Variants in NHLH1 observed in about 807,000 individuals in gnomAD.
NHLH1 encodes the protein helix-loop-helix protein 1.
A neutral mutation model predicts 6.7 loss-of-function variants in NHLH1; 3 were observed. The ratio of observed to expected loss-of-function variants is 0.44; its 90% confidence interval spans 0.20 to 1.15. The LOEUF is 1.15. Ranked by LOEUF, NHLH1 falls within the 50% of genes most tolerant of loss-of-function variation. NHLH1 has a pLI of 0.26. For synonymous variants in NHLH1, 92 were observed against 84.2 expected (o/e 1.09, Z -0.51); for missense variants, 177 against 189.5 (o/e 0.93, Z 0.39).
chr1:160,368,258 G>A (rs780877628), intron 1 of NHLH1, among the ~76,000 whole-genome samples: 7 of 152,190 alleles, frequency 4.6e-5, no homozygotes, highest in Non-Finnish European at 5.9e-5. Context: ...TGAGCTGATG[G>A]TGAGTGGCCC....
At chr1:160,370,083 C>T (rs906985137) in intron 1 of NHLH1, among the ~76,000 whole-genome samples, 1 of 152,146 alleles carries the variant, frequency 6.6e-6, no homozygotes, top group Non-Finnish European at 1.5e-5. Context: ...CCTTTTCACT[C>T]TGTTGATTAT....
chr1:160,368,348 GAT>G (rs1649540360), intron 1 of NHLH1, among the ~76,000 whole-genome samples: 1 of 152,160 alleles, frequency 6.6e-6, no homozygotes, highest in South Asian at 2.1e-4. Flanking sequence ...GCCTTGCCCT[GAT>G]CTCCTCTGGT....
chr1:160,372,290 T>C lies in NHLH1; in HGVS notation c.*1157T>C, dbSNP rs1353434572. ...AGAAGAAATGAACTCACTGCATTTCTGTGCTCCCTCCTCCCTCGCACCAAA... is the reference window on the plus strand; with the variant it reads ...AGAAGAAATGAACTCACTGCATTTCCGTGCTCCCTCCTCCCTCGCACCAAA... On this transcript the variant is annotated 3_prime_UTR_variant, in exon 2 of 2. Coordinates refer to ENST00000302101, the MANE Select transcript of NHLH1 (RefSeq NM_005598.4). The C allele has an allele frequency of 6.0e-6, 1 of 167,138 alleles. No homozygotes were observed. Among genetic ancestry groups the C allele is most frequent in the Non-Finnish European group, 1.5e-5 (1 of 68,138 alleles). The allele number at this position is 167,138 out of a possible 1,614,324, so 10.4% of individuals were successfully genotyped here.
In NHLH1 at chr1:160,371,370, C is replaced by T; in HGVS notation, c.*237C>T. ...GGTTTATTGCTGAGGCCCAGCTGTG[C>T]AGAATTGTTTGCTAGTGTGGTTGGT... is the stretch of plus-strand genomic sequence containing the variant. On this transcript the variant is annotated 3_prime_UTR_variant, in exon 2 of 2. Transcript: ENST00000302101. 1.8e-6 allele frequency: 1 copy of T among 556,360 alleles called. No individual in the cohort carries two copies. The highest frequency in any genetic ancestry group is 3.6e-5 in the East Asian group (1 of 27,744). 34.5% of individuals were successfully genotyped at this position (556,360 alleles called of 1,614,324 possible). A position where few individuals can be genotyped will look rare whatever the true frequency, so the allele number is the denominator to read the frequency against.
chr1:160,371,278 G>T lies in NHLH1; in HGVS notation c.*145G>T. 1 of 1,313,886 alleles carries T rather than the reference G, an allele frequency of 7.6e-7. No homozygotes were observed. Among genetic ancestry groups the T allele is most frequent in the Non-Finnish European group, 1.0e-6 (1 of 984,548 alleles). The allele number at this position is 1,313,886 out of a possible 1,614,324, so 81.4% of individuals were successfully genotyped here. On this transcript the variant is annotated 3_prime_UTR_variant, in exon 2 of 2. Coordinates refer to ENST00000302101, the MANE Select transcript of NHLH1 (RefSeq NM_005598.4). ...GCACAGGCAGAGAGCCCACCGGCTG[G>T]TCATGAGGGCCTCTTCCTTTCTCTG...
In NHLH1 at chr1:160,371,320, G is replaced by A. The variant is rs114483127; in HGVS notation, c.*187G>A. The A allele has an allele frequency of 0.021, 18,670 of 907,964 alleles. 262 individuals carry two copies. The highest frequency in any genetic ancestry group is 0.025 in the Non-Finnish European group (15,499 of 625,844). The allele number at this position is 907,964 out of a possible 1,614,324, so 56.2% of individuals were successfully genotyped here. A position where few individuals can be genotyped will look rare whatever the true frequency, so the allele number is the denominator to read the frequency against. ...CTTTCTCTGACCCAGGCACCTCGAG[G>A]GCTATTCTCCTGGGTTCCTTCCGGG... On this transcript the variant is annotated 3_prime_UTR_variant, in exon 2 of 2. Transcript: ENST00000302101.
chr1:160,370,641 C>G lies in NHLH1; in HGVS notation c.-91C>G. 1 of 1,352,938 alleles carries G rather than the reference C, an allele frequency of 7.4e-7. No individual in the cohort carries two copies. Among genetic ancestry groups the G allele is most frequent in the Non-Finnish European group, 1.0e-6 (1 of 976,186 alleles). 83.8% of individuals were successfully genotyped at this position (1,352,938 alleles called of 1,614,324 possible). The stretch of plus-strand genomic sequence containing the variant: ...TGGCAGACCCCACGACCCTTCCTCC[C>G]CCTTCCTCCCCCTCCCACCACCAGC... On this transcript the variant is annotated 5_prime_UTR_variant, in exon 2 of 2. Coordinates refer to ENST00000302101, the MANE Select transcript of NHLH1 (RefSeq NM_005598.4).
rs1361488624 is a variant in NHLH1, at chr1:160,371,042, C to A, written c.311C>A (p.Thr104Lys). 2 of 1,614,008 alleles carry A rather than the reference C, an allele frequency of 1.2e-6. No individual in the cohort carries two copies. Among genetic ancestry groups the A allele is most frequent in the Non-Finnish European group, 1.7e-6 (2 of 1,180,002 alleles). ...AFAELRKLLP[T>K]LPPDKKLSKI... ...GCCGAGCTGCGCAAGCTGCTGCCTA[C>A]GCTGCCCCCCGACAAGAAGCTCTCC... Residue 104 changes from threonine to lysine, a missense_variant, in exon 2 of 2, where the codon ACG (threonine) becomes AAG (lysine). Transcript: ENST00000302101.
chr1:160,368,463 G>C (rs1471672567), intron 1 of NHLH1, among the ~76,000 whole-genome samples: 1 of 152,212 alleles, frequency 6.6e-6, no homozygotes, highest in Non-Finnish European at 1.5e-5. Context: ...CTATGGGAGA[G>C]TATGGGGGTA....
At chr1:160,369,424 C>T (rs1649571060) in intron 1 of NHLH1, among the ~76,000 whole-genome samples, 1 of 152,140 alleles carries the variant, frequency 6.6e-6, no homozygotes, top group Admixed American at 6.5e-5. Context: ...CTCTTTGACA[C>T]CCTACTTTAT....
In NHLH1 at chr1:160,370,699, G is replaced by T; in HGVS notation, c.-33G>T. 6.2e-7 allele frequency: 1 copy of T among 1,606,430 alleles called. No individual in the cohort carries two copies. Among genetic ancestry groups the T allele is most frequent in the South Asian group, 1.1e-5 (1 of 89,868 alleles). On this transcript the variant is annotated 5_prime_UTR_variant, in exon 2 of 2. Coordinates refer to ENST00000302101, the MANE Select transcript of NHLH1 (RefSeq NM_005598.4). ...CTCCCAGAGGGAGGGGTGGGGAGGG[G>T]ATCCTGATCTCACAGGGCAGGGGGC... is the stretch of plus-strand genomic sequence containing the variant.
At chr1:160,369,130 C>T (rs1317511307) in intron 1 of NHLH1, among the ~76,000 whole-genome samples, 3 of 152,328 alleles carry the variant, frequency 2.0e-5, no homozygotes, top group East Asian at 3.9e-4. Flanking sequence ...CTGGCAACGG[C>T]CATTCTACTT....
chr1:160,370,739 T>C lies in NHLH1; in HGVS notation c.8T>C (p.Leu3Pro). ...GGGCAGGGGGCTTCCATCATGATGC[T>C]CAACTCAGACACCATGGAGCTGGAC... Reference protein sequence around the residue: MMLNSDTMELDLP... With the variant: MMPNSDTMELDLP... Residue 3 changes from leucine to proline, a missense_variant, in exon 2 of 2, where the codon CTC becomes CCC. By Grantham distance (98) the Leu-to-Pro change is moderately conservative. Transcript: ENST00000302101. The C allele has an allele frequency of 6.2e-7, 1 of 1,612,658 alleles. No individual in the cohort carries two copies. Among genetic ancestry groups the C allele is most frequent in the Non-Finnish European group, 8.5e-7 (1 of 1,179,572 alleles).
intron 1 of NHLH1, among the ~76,000 whole-genome samples, chr1:160,370,127 G>A (rs188290507): frequency 6.6e-6 from 1 of 152,050 alleles, no homozygotes; most frequent in African/African-American, 2.4e-5. Flanking sequence ...ATGTGGTCCC[G>A]TTTTTTCTAT....
In NHLH1 at chr1:160,370,762, G is replaced by C. The variant is rs559871737; in HGVS notation, c.31G>C (p.Asp11His). MMLNSDTMEL[D>H]LPPTHSETES... is the part of the protein sequence containing the mutation. ...GCTCAACTCAGACACCATGGAGCTG[G>C]ACCTGCCGCCCACCCACTCAGAGAC... Residue 11 changes from aspartate (D) to histidine (H), a missense_variant, in exon 2 of 2, where the codon GAC becomes CAC. Asp to His is a moderately conservative substitution (Grantham distance 81). Coordinates refer to ENST00000302101, the MANE Select transcript of NHLH1 (RefSeq NM_005598.4). The C allele has an allele frequency of 1.2e-6, 2 of 1,612,968 alleles. No individual in the cohort carries two copies. Among genetic ancestry groups the C allele is most frequent in the East Asian group, 2.2e-5 (1 of 44,816 alleles).
At position 160,370,912 on chromosome 1, in the gene NHLH1, C is replaced by T. The variant is rs770313283; in HGVS notation, c.181C>T (p.Leu61=). 3 of 1,607,896 alleles carry T rather than the reference C, an allele frequency of 1.9e-6. No individual in the cohort carries two copies. The highest frequency in any genetic ancestry group is 2.2e-5 in the South Asian group (2 of 90,664). The part of the protein sequence containing the change: ...GEPGRKDLQH[L]SREERRRRRR... ...GCCTGGCCGGAAAGACCTGCAGCAT[C>T]TGAGCCGCGAGGAGCGCCGGCGCCG... is the stretch of plus-strand genomic sequence containing the variant. Residue 61 remains leucine, a synonymous_variant, in exon 2 of 2, where the codon CTG becomes TTG. Coordinates refer to ENST00000302101, the MANE Select transcript of NHLH1 (RefSeq NM_005598.4).
intron 1 of NHLH1, among the ~76,000 whole-genome samples, chr1:160,368,878 T>C (rs987938430): frequency 1.3e-5 from 2 of 152,206 alleles, no homozygotes; most frequent in Admixed American, 6.5e-5. Context: ...TCTAGAGTCA[T>C]AGCTAACTTC....
In NHLH1 at chr1:160,370,794, G is replaced by A. The variant is rs1309015465; in HGVS notation, c.63G>A (p.Ser21=). The change falls in exon 2 of 2, where the codon TCG becomes TCA. Residue 21 remains serine (S), a synonymous_variant. Transcript: ENST00000302101. Reference sequence around the variant, plus strand: ...CGCCCACCCACTCAGAGACTGAGTCGGGCTTCAGTGACTGTGGGGGCGGGG... The same window carrying A: ...CGCCCACCCACTCAGAGACTGAGTCAGGCTTCAGTGACTGTGGGGGCGGGG... The part of the protein sequence containing the change: ...DLPPTHSETE[S]GFSDCGGGAG... The A allele has an allele frequency of 1.9e-6, 3 of 1,612,486 alleles. No homozygotes were observed. The highest frequency in any genetic ancestry group is 1.3e-5 in the African/African-American group (1 of 74,892).
In NHLH1 at chr1:160,370,791, G is replaced by A. The variant is rs1232012049; in HGVS notation, c.60G>A (p.Glu20=). The change falls in exon 2 of 2, where the codon GAG becomes GAA. Residue 20 remains glutamate (E), a synonymous_variant. Transcript: ENST00000302101. ...TGCCGCCCACCCACTCAGAGACTGA[G>A]TCGGGCTTCAGTGACTGTGGGGGCG... ...LDLPPTHSET[E]SGFSDCGGGA... is the part of the protein sequence containing the mutation. The A allele has an allele frequency of 5.0e-6, 8 of 1,612,822 alleles. No homozygotes were observed. The highest frequency in any genetic ancestry group is 2.7e-5 in the African/African-American group (2 of 75,010).
Sources: allele counts gnomAD v4.1 joint callset (sites outside exome capture counted in the v4.1 genomes callset), GRCh38; gene constraint gnomAD v4.1.1; transcripts MANE v1.5; gene names NCBI Gene and HGNC (gene_info 2026-07-23, HGNC 2026-07-21).